MYCBP: variants seen among roughly 807,000 people sequenced by gnomAD.
The protein encoded by MYCBP is C-Myc-binding protein.
A neutral mutation model predicts 16.8 loss-of-function variants in MYCBP; 5 were observed. The ratio of observed to expected loss-of-function variants is 0.30; its 90% CI spans 0.16 to 0.63. The LOEUF is 0.63. MYCBP is among the 20% of genes least tolerant of loss of function. The pLI is 0.83. For missense variants in MYCBP, 103 were observed against 121.8 expected, an observed-to-expected ratio of 0.85 and a Z score of 0.73; for synonymous variants, 35 against 43.7, an observed-to-expected ratio of 0.80 and a Z score of 0.79.
intron 2 of MYCBP, among the ~76,000 whole-genome samples, chr1:38,869,258 T>C (rs1324289780): frequency 6.6e-6 from 1 of 151,998 alleles, no homozygotes; most frequent in Non-Finnish European, 1.5e-5. Context: ...CCGGCTAATT[T>C]TGTATTTTTA....
intron 2 of MYCBP, among the ~76,000 whole-genome samples, chr1:38,868,264 T>G (rs1473011630): frequency 1.3e-5 from 2 of 152,052 alleles, no homozygotes; most frequent in African/African-American, 4.8e-5. Flanking sequence ...GAGAGAACAG[T>G]GAGAAGAAAG....
Position 38,864,708 on chromosome 1 carries a change from G to T in MYCBP, c.274C>A (p.Gln92Lys). 1 of 1,613,836 alleles carries T rather than the reference G, an allele frequency of 6.2e-7. No homozygotes were observed. The highest frequency in any genetic ancestry group is 8.5e-7 in the Non-Finnish European group (1 of 1,179,824). ...ENKKLKAKLA[Q>K]YEPPQEEKRA... ...TTCTCCTCCTGAGGTGGTTCATACT[G>T]AGCAAGCTATGGGGCAAAGACAGAG... is the stretch of plus-strand genomic sequence containing the variant. The change falls in exon 5 of 5, where the codon CAG becomes AAG. Residue 92 changes from glutamine (Q) to lysine (K), a missense_variant. Coordinates refer to ENST00000397572, the MANE Select transcript of MYCBP (RefSeq NM_012333.5).
intron 4 of MYCBP, 90 bp downstream of exon 4, chr1:38,866,790 C>A: frequency 9.5e-7 from 1 of 1,049,328 alleles, no homozygotes. Context: ...TCACCCACCT[C>A]CCTCCCCTCC....
chr1:38,862,531 A>C lies in MYCBP; in HGVS notation c.*2139T>G, dbSNP rs34393348. Among the ~76,000 whole-genome samples, 79,207 of 152,102 alleles carry C rather than the reference A, an allele frequency of 0.52. 23,632 individuals are homozygous for C. The highest frequency in any genetic ancestry group is 0.67 in the Non-Finnish European group (45,518 of 67,978). Reference sequence around the variant, plus strand: ...ATATTTAATTTGATTCTTACAACCAACTTGTGAGATAGGCAAGATGTGAAG... The same window carrying C: ...ATATTTAATTTGATTCTTACAACCACCTTGTGAGATAGGCAAGATGTGAAG... On this transcript the variant is annotated 3_prime_UTR_variant, in exon 5 of 5. Coordinates refer to ENST00000397572, the MANE Select transcript of MYCBP (RefSeq NM_012333.5).
intron 3 of MYCBP, 61 bp from the exon 4 acceptor site, chr1:38,867,070 A>G: frequency 6.8e-7 from 1 of 1,474,948 alleles, no homozygotes; most frequent in South Asian, 1.2e-5. Context: ...AATAGCACAG[A>G]GTAGTATCAA....
Position 38,869,904 on chromosome 1 carries a change from C to T in MYCBP, c.89-2294G>A, listed in dbSNP as rs1018420681. Among the ~76,000 whole-genome samples the T allele has an allele frequency of 5.3e-5, 8 of 151,518 alleles. 1 individual carries two copies. ...AAAAAATTGGCCAGGCATGATGGCT[C>T]ACGCCTATAATCCCAGCACTTTGGT... On this transcript the variant is annotated intron_variant, in intron 2 of 4. Transcript: ENST00000397572.
Position 38,863,621 on chromosome 1 carries a change from C to A in MYCBP, c.*1049G>T, listed in dbSNP as rs1033704408. ...CATTAAACAGATGAAGACAGTAAAT[C>A]TCAGAGTAGTTCACTGATAATGCCC... is the stretch of plus-strand genomic sequence containing the variant. On this transcript the variant is annotated 3_prime_UTR_variant, in exon 5 of 5. Coordinates refer to ENST00000397572, the MANE Select transcript of MYCBP (RefSeq NM_012333.5). 3.9e-5 allele frequency: 6 copies of A among 152,640 alleles called. No individual in the cohort carries two copies. The highest frequency in any genetic ancestry group is 1.4e-4 in the African/African-American group (6 of 41,446). 9.5% of individuals were successfully genotyped at this position (152,640 alleles called of 1,614,324 possible).
rs1361565944 is a variant in MYCBP, at chr1:38,864,126, C to A, written c.*544G>T. 2 of 153,494 alleles carry A rather than the reference C, an allele frequency of 1.3e-5. No homozygotes were observed. The highest frequency in any genetic ancestry group is 2.9e-5 in the Non-Finnish European group (2 of 68,702). 9.5% of individuals were successfully genotyped at this position (153,494 alleles called of 1,614,324 possible). ...GGAAAATGTGGTGTCAGAGTTCAAACTGGCACACACACACACAGTTATCTA... is the reference window on the plus strand; with the variant it reads ...GGAAAATGTGGTGTCAGAGTTCAAAATGGCACACACACACACAGTTATCTA... On this transcript the variant is annotated 3_prime_UTR_variant, in exon 5 of 5. Coordinates refer to ENST00000397572, the MANE Select transcript of MYCBP (RefSeq NM_012333.5).
intron 1 of MYCBP, 61 bp from the exon 2 acceptor site, chr1:38,873,151 G>A (rs1642504087): frequency 1.9e-6 from 3 of 1,551,644 alleles, no homozygotes; most frequent in South Asian, 1.2e-5. Flanking sequence ...GAAGGCGCTG[G>A]GAGTCCGGCA....
chr1:38,869,095 T>C (rs943990939), intron 2 of MYCBP, among the ~76,000 whole-genome samples: 1 of 145,150 alleles, frequency 6.9e-6, no homozygotes, highest in African/African-American at 2.5e-5. Flanking sequence ...TTTTTTTTTG[T>C]TTTTTTTTTT....
intron 2 of MYCBP, among the ~76,000 whole-genome samples, chr1:38,868,885 G>A (rs1056555688): frequency 5.9e-5 from 9 of 152,060 alleles, no homozygotes; most frequent in South Asian, 4.2e-4. Flanking sequence ...CAGCCTGGGC[G>A]ATGGAGCAAG....
At chr1:38,868,843 T>C (rs1228171223) in intron 2 of MYCBP, among the ~76,000 whole-genome samples, 4 of 151,992 alleles carry the variant, frequency 2.6e-5, no homozygotes, top group Admixed American at 1.3e-4. Flanking sequence ...GAGGCGGAGC[T>C]TGCAGTGAGC....
Position 38,873,063 on chromosome 1 carries a change from G to T in MYCBP, c.43C>A (p.Arg15=). The change falls in exon 2 of 5, where the codon CGG becomes AGG. Residue 15 remains arginine, a synonymous_variant. Transcript: ENST00000397572. ...ACCCCCGACTTCTCCAAGTACCTCC[G>T]GAACTGCTCACGCTTCGAGTCGGCG... ...KAADSKREQF[R]RYLEKSGVLD... The T allele has an allele frequency of 6.4e-7, 1 of 1,572,102 alleles. No homozygotes were observed.
chr1:38,865,658 C>T (rs928556856), intron 4 of MYCBP, among the ~76,000 whole-genome samples: 1 of 151,952 alleles, frequency 6.6e-6, no homozygotes, highest in Non-Finnish European at 1.5e-5. Flanking sequence ...AAAAATTAGC[C>T]GAGCATGGTG....
chr1:38,867,957 G>T (rs1642373717), intron 2 of MYCBP, among the ~76,000 whole-genome samples: 1 of 152,206 alleles, frequency 6.6e-6, no homozygotes. Flanking sequence ...GATAAAATGG[G>T]AAGGCCCAGG....
At chr1:38,864,847 C>A in intron 4 of MYCBP, 133 bp from the exon 5 acceptor site, 1 of 771,306 alleles carries the variant, frequency 1.3e-6, no homozygotes, top group South Asian at 1.7e-5. Flanking sequence ...CTATAACTAT[C>A]CATTTTAAAT....
At chr1:38,866,791 C>A in intron 4 of MYCBP, 89 bp downstream of exon 4, 1 of 1,053,928 alleles carries the variant, frequency 9.5e-7, no homozygotes, top group East Asian at 2.6e-5. Context: ...CACCCACCTC[C>A]CTCCCCTCCT....
rs746496918 is a variant in MYCBP, at chr1:38,866,906, C to G, written c.241G>C (p.Glu81Gln). 1.9e-6 allele frequency: 3 copies of G among 1,564,692 alleles called. No homozygotes were observed. In the East Asian group the frequency reaches 6.8e-5, roughly 36 times the overall value. ...TTTGCTTTCAGTTTTTTATTTTCTT[C>G]TACAATAGCTTCATACTTCTCTTTC... ...EMKEKYEAIV[E>Q]ENKKLKAKLA... The change falls in exon 4 of 5, where the codon GAA becomes CAA. Residue 81 changes from glutamate to glutamine, a missense_variant. Glu to Gln is a conservative substitution (Grantham distance 29). Coordinates refer to ENST00000397572, the MANE Select transcript of MYCBP (RefSeq NM_012333.5).
intron 2 of MYCBP, chr1:38,872,715 T>C (rs1037167130): frequency 4.6e-6 from 2 of 436,598 alleles, no homozygotes; most frequent in African/African-American, 4.1e-5. Flanking sequence ...AATTGGGATC[T>C]GAAGGTCCTT....
Sources: gnomAD v4.1 joint callset for allele counts (sites outside exome capture counted in the v4.1 genomes callset) on GRCh38, gnomAD v4.1.1 for gene constraint, MANE v1.5 for transcripts, NCBI Gene and HGNC (gene_info 2026-07-23, HGNC 2026-07-21) for gene names.